MME: variants seen among roughly 807,000 people sequenced by gnomAD.
The protein encoded by MME is membrane metalloendopeptidase.
A neutral mutation model predicts 113.2 loss-of-function variants in MME; 98 were observed. The observed-to-expected ratio is 0.87, with a 90% CI of 0.74 to 1.02. The LOEUF (loss-of-function observed/expected upper bound fraction) is 1.02, where lower values mean the gene tolerates loss of function less well. Among genes scored for constraint, MME ranks in the 50% least tolerant of loss-of-function variants. The pLI is 0.00. For synonymous variants in MME, 292 were observed against 300.6 expected, an observed-to-expected ratio of 0.97 and a Z score of 0.30; for missense variants, 836 against 896.0, an observed-to-expected ratio of 0.93 and a Z score of 0.86.
intron 16 of MME, among the ~76,000 whole-genome samples, chr3:155,153,652 G>T (rs1576651201): frequency 6.6e-6 from 1 of 152,228 alleles, no homozygotes; most frequent in Admixed American, 6.5e-5. Flanking sequence ...AATTGTGATG[G>T]GTGTTGCTAG....
intron 16 of MME, among the ~76,000 whole-genome samples, chr3:155,154,609 A>G (rs1722181181): frequency 6.6e-6 from 1 of 152,182 alleles, no homozygotes; most frequent in Non-Finnish European, 1.5e-5. Context: ...AAAAAAACAC[A>G]TTCTTGAGTG....
At chr3:155,107,124 G>C (rs1002918098) in intron 3 of MME, among the ~76,000 whole-genome samples, 20 of 152,216 alleles carry the variant, frequency 1.3e-4, no homozygotes. Flanking sequence ...GGGAGACTGA[G>C]GCGGGTGGAT....
At chr3:155,104,377 G>T (rs182493992) in intron 3 of MME, among the ~76,000 whole-genome samples, 3 of 152,126 alleles carry the variant, frequency 2.0e-5, no homozygotes, top group Non-Finnish European at 4.4e-5. Flanking sequence ...ATACTGCCTT[G>T]TGCCAATCAA....
intron 1 of MME, among the ~76,000 whole-genome samples, chr3:155,063,639 ATATAT>A (rs980660664): frequency 4.9e-5 from 6 of 122,870 alleles, no homozygotes; most frequent in African/African-American, 1.2e-4. Context: ...ATATTTGATT[ATATAT>A]TATATTTGAT....
chr3:155,056,077 G>T (rs1713916594), intron 1 of MME, among the ~76,000 whole-genome samples: 1 of 151,920 alleles, frequency 6.6e-6, no homozygotes, highest in African/African-American at 2.4e-5. Context: ...ACTACAAATT[G>T]TTGGTTCATA....
chr3:155,113,812 T>C (rs1021531461), intron 3 of MME, among the ~76,000 whole-genome samples: 2 of 152,136 alleles, frequency 1.3e-5, no homozygotes, highest in Non-Finnish European at 2.9e-5. Flanking sequence ...AAGTTTCAAA[T>C]CCAGGAGGCT....
intron 16 of MME, chr3:155,159,018 T>A (rs2108348234): frequency 6.6e-6 from 1 of 152,216 alleles, no homozygotes; most frequent in East Asian, 1.9e-4. Flanking sequence ...TAACTAAATT[T>A]TTTTAAGTCC....
chr3:155,047,744 A>T (rs1559891735), intron 1 of MME, among the ~76,000 whole-genome samples: 1 of 151,000 alleles, frequency 6.6e-6, no homozygotes, highest in Non-Finnish European at 1.5e-5. Flanking sequence ...ATGTAGGATA[A>T]TTTTTTTTTA....
chr3:155,072,127 G>A (rs1193236082), intron 1 of MME, among the ~76,000 whole-genome samples: 2 of 132,984 alleles, frequency 1.5e-5, no homozygotes, highest in African/African-American at 2.8e-5. Context: ...CGCCACTGCA[G>A]TCCGCAGTCC....
chr3:155,166,128 G>A (rs1723075940), intron 17 of MME, among the ~76,000 whole-genome samples: 1 of 152,132 alleles, frequency 6.6e-6, no homozygotes, highest in African/African-American at 2.4e-5. Flanking sequence ...CCCTGATTAT[G>A]TTCCAGGTAC....
At chr3:155,100,731 ATAG>A (rs1156946246) in intron 3 of MME, among the ~76,000 whole-genome samples, 2 of 152,190 alleles carry the variant, frequency 1.3e-5, no homozygotes, top group African/African-American at 4.8e-5. Flanking sequence ...CTACTATAAA[ATAG>A]TAGAGCTGAG....
intron 1 of MME, among the ~76,000 whole-genome samples, chr3:155,042,790 C>A (rs1287107234): frequency 6.7e-6 from 1 of 150,132 alleles, no homozygotes; most frequent in Non-Finnish European, 1.5e-5. Flanking sequence ...CTTTACATTT[C>A]TTTTTCTGTC....
intron 8 of MME, among the ~76,000 whole-genome samples, chr3:155,130,892 G>A (rs1170305979): frequency 6.6e-6 from 1 of 152,056 alleles, no homozygotes; most frequent in Non-Finnish European, 1.5e-5. Context: ...TTGAGCTTAT[G>A]CTATGTGACA....
rs61760389 is a variant in MME at position 155,166,432 on chromosome 3, T to C, written c.1661-470T>C. On this transcript the variant is annotated intron_variant, in intron 17 of 22. Coordinates refer to ENST00000360490, the MANE Select transcript of MME (RefSeq NM_007289.4). ...GCAATACTTATTTAAGATATTATTG[T>C]AGATGGATACAATTTCTGCAATAAC... Among the ~76,000 whole-genome samples, 534 of 152,304 alleles carry C rather than the reference T, an allele frequency of 3.5e-3. 1 individual carries two copies. The highest frequency in any genetic ancestry group is 5.4e-3 in the Non-Finnish European group (368 of 68,000).
chr3:155,104,027 T>A (rs1216274339), intron 3 of MME, among the ~76,000 whole-genome samples: 1 of 152,188 alleles, frequency 6.6e-6, no homozygotes, highest in Non-Finnish European at 1.5e-5. Flanking sequence ...AAATGAGACC[T>A]GAGCATCACA....
chr3:155,045,213 C>T (rs578032229), intron 1 of MME, among the ~76,000 whole-genome samples: 5 of 151,296 alleles, frequency 3.3e-5, no homozygotes, highest in East Asian at 2.0e-4. Context: ...TGCAATGGCA[C>T]GGTCTTGGCT....
intron 20 of MME, among the ~76,000 whole-genome samples, chr3:155,170,953 T>C (rs1387087309): frequency 6.6e-6 from 1 of 152,184 alleles, no homozygotes; most frequent in Non-Finnish European, 1.5e-5. Flanking sequence ...TTTTAAATAT[T>C]TTGTTCATCA....
intron 14 of MME, among the ~76,000 whole-genome samples, chr3:155,146,304 T>G (rs1179407310): frequency 6.6e-6 from 1 of 152,094 alleles, no homozygotes; most frequent in Admixed American, 6.5e-5. Flanking sequence ...GGCAGGCAGA[T>G]TGCTTGAGCC....
chr3:155,042,819 C>T (rs1332235316), intron 1 of MME, among the ~76,000 whole-genome samples: 1 of 146,504 alleles, frequency 6.8e-6, no homozygotes, highest in Middle Eastern at 3.5e-3. Flanking sequence ...ATCATCTTTG[C>T]CTATTTTCTG....
Sources: allele counts gnomAD v4.1 joint callset (sites outside exome capture counted in the v4.1 genomes callset), GRCh38; gene constraint gnomAD v4.1.1; transcripts MANE v1.5; gene names NCBI Gene and HGNC (gene_info 2026-07-23, HGNC 2026-07-21).